Variants in PRKN observed in about 807,000 individuals in gnomAD.
PRKN encodes parkin RBR E3 ubiquitin protein ligase, also known as E3 ubiquitin-protein ligase parkin.
In PRKN, 56 loss-of-function variants were observed where a neutral mutation model predicts 59.5. That is an observed-to-expected ratio of 0.94 (90% CI 0.76 to 1.18). PRKN has a LOEUF of 1.18. Ranked by LOEUF, PRKN falls within the 50% of genes most tolerant of loss-of-function variation. The pLI, the probability that PRKN is intolerant of heterozygous loss-of-function variation, is 0.00. For missense variants in PRKN, 657 were observed against 596.4 expected (o/e 1.10, Z -1.06); for synonymous variants, 250 against 222.1 (o/e 1.13, Z -1.12).
At chr6:161,974,163 AGGCTGAGGCAGGAAATCGCTTGAGCCC>A (rs575357696) in intron 5 of PRKN, among the ~76,000 whole-genome samples, 162 of 152,286 alleles carry the variant, frequency 1.1e-3, no homozygotes, top group African/African-American at 3.7e-3. Flanking sequence ...GCTACTCGAG[AGGCTGAGGCAGGAAATCGCTTGAGCCC>A]GGCTGAGGCA....
At chr6:161,666,866 A>T (rs1206107637) in intron 7 of PRKN, among the ~76,000 whole-genome samples, 1 of 152,184 alleles carries the variant, frequency 6.6e-6, no homozygotes, top group Non-Finnish European at 1.5e-5. Context: ...GACACTCAGC[A>T]GAAGATGCCT....
chr6:161,436,449 C>G (rs142551497), intron 9 of PRKN, among the ~76,000 whole-genome samples: 1,945 of 98,212 alleles, frequency 0.02, 25 homozygotes, highest in Non-Finnish European at 0.029. Context: ...TCTGCAAACT[C>G]AAGACTTTTT....
At chr6:162,669,427 A>C (rs1779235762) in intron 1 of PRKN, among the ~76,000 whole-genome samples, 1 of 152,190 alleles carries the variant, frequency 6.6e-6, no homozygotes, top group Non-Finnish European at 1.5e-5. Context: ...ATGGTAAGCT[A>C]AACTTTAGAA....
At chr6:162,634,823 C>A (rs1173795229) in intron 1 of PRKN, among the ~76,000 whole-genome samples, 1 of 152,142 alleles carries the variant, frequency 6.6e-6, no homozygotes, top group Non-Finnish European at 1.5e-5. Context: ...GGGGTTTCAC[C>A]ATGTTGGCCA....
rs1391642169 is a variant in PRKN, at chr6:161,388,365, A to G, written c.1084-1488T>C. 6.6e-6 allele frequency among the ~76,000 whole-genome samples: 1 copy of G among 152,186 alleles called. No individual in the cohort carries two copies. Among genetic ancestry groups the G allele is most frequent in the African/African-American group, 2.4e-5 (1 of 41,448 alleles). Reference sequence around the variant, plus strand: ...GAACAACAGGGACTATTTTGCCCCTACTCCATTTCATAGGAAGGAGTTTCC... The same window carrying G: ...GAACAACAGGGACTATTTTGCCCCTGCTCCATTTCATAGGAAGGAGTTTCC... On this transcript the variant is annotated intron_variant, in intron 9 of 11. Coordinates refer to ENST00000366898, the MANE Select transcript of PRKN (RefSeq NM_004562.3). The surrounding 1 kb of genome is among the most constrained non-coding windows in gnomAD (Gnocchi z 4.3).
intron 2 of PRKN, among the ~76,000 whole-genome samples, chr6:162,427,369 T>C (rs1023431096): frequency 6.6e-6 from 1 of 152,176 alleles, no homozygotes; most frequent in Non-Finnish European, 1.5e-5. Flanking sequence ...TATAAGAATG[T>C]TCAGTGCAGC....
intron 7 of PRKN, among the ~76,000 whole-genome samples, chr6:161,646,595 CGGA>C (rs1378226120): frequency 6.8e-6 from 1 of 147,390 alleles, no homozygotes; most frequent in Non-Finnish European, 1.5e-5. Flanking sequence ...GCGTGCGTGG[CGGA>C]GGAGGTGGTG....
chr6:162,641,402 TG>T (rs1777953226), intron 1 of PRKN, among the ~76,000 whole-genome samples: 1 of 151,886 alleles, frequency 6.6e-6, no homozygotes, highest in South Asian at 2.1e-4. Context: ...AAAATCAAAG[TG>T]TTGTCAGAGG....
intron 3 of PRKN, among the ~76,000 whole-genome samples, chr6:162,235,958 G>GAAGAAAAAGA (rs1778658499): frequency 2.2e-5 from 2 of 92,600 alleles, no homozygotes; most frequent in African/African-American, 8.0e-5. Context: ...AGGAAGAAAG[G>GAAGAAAAAGA]AAGAAAGAAA....
intron 4 of PRKN, among the ~76,000 whole-genome samples, chr6:162,136,687 A>G (rs12193568): frequency 0.17 from 26,207 of 152,172 alleles, 2,844 homozygotes; most frequent in Non-Finnish European, 0.24. Context: ...TTTCAGCATC[A>G]TCACTGTGAT....
chr6:162,167,510 G>A (rs1783040869), intron 4 of PRKN, among the ~76,000 whole-genome samples: 1 of 152,024 alleles, frequency 6.6e-6, no homozygotes, highest in Non-Finnish European at 1.5e-5. Flanking sequence ...GGAAAATGAG[G>A]GATCTGACTA....
At chr6:162,153,397 C>T (rs993876858) in intron 4 of PRKN, among the ~76,000 whole-genome samples, 3 of 152,204 alleles carry the variant, frequency 2.0e-5, no homozygotes. Context: ...GTGGGGCTGA[C>T]TGTGACCCAA....
At chr6:162,691,236 A>C (rs1271593676) in intron 1 of PRKN, among the ~76,000 whole-genome samples, 1 of 152,180 alleles carries the variant, frequency 6.6e-6, no homozygotes, top group Non-Finnish European at 1.5e-5. Context: ...CATTTCAATT[A>C]GATAATTATA....
intron 7 of PRKN, among the ~76,000 whole-genome samples, chr6:161,718,017 C>T (rs559022494): frequency 6.6e-6 from 1 of 152,128 alleles, no homozygotes; most frequent in Non-Finnish European, 1.5e-5. Flanking sequence ...AGAAACACAT[C>T]GACCAGAGCT....
chr6:162,604,109 A>T (rs2128217510), intron 1 of PRKN, among the ~76,000 whole-genome samples: 1 of 152,250 alleles, frequency 6.6e-6, no homozygotes, highest in South Asian at 2.1e-4. Context: ...CACCGCAGCA[A>T]TTGCACCTGT....
At chr6:162,209,671 A>T (rs116571396) in intron 3 of PRKN, among the ~76,000 whole-genome samples, 390 of 152,308 alleles carry the variant, frequency 2.6e-3, no homozygotes, top group African/African-American at 8.7e-3. Context: ...TGCTTATTGC[A>T]GTACTATTCA....
At chr6:162,097,794 A>T (rs1038285715) in intron 4 of PRKN, among the ~76,000 whole-genome samples, 1 of 152,242 alleles carries the variant, frequency 6.6e-6, no homozygotes, top group Non-Finnish European at 1.5e-5. Context: ...GAACAGATCC[A>T]AATGAGAGAA....
At chr6:162,313,696 A>G (rs930423344) in intron 2 of PRKN, among the ~76,000 whole-genome samples, 1 of 151,982 alleles carries the variant, frequency 6.6e-6, no homozygotes, top group African/African-American at 2.4e-5. Context: ...CATGTTGGCT[A>G]GACTGGTCTC....
intron 3 of PRKN, among the ~76,000 whole-genome samples, chr6:162,218,163 C>T (rs542778179): frequency 6.6e-6 from 1 of 152,314 alleles, no homozygotes; most frequent in South Asian, 2.1e-4. Context: ...TGCTGGGGAG[C>T]AGCGTGATGG....
Sources: gnomAD v4.1 joint callset for allele counts (sites outside exome capture counted in the v4.1 genomes callset) on GRCh38, gnomAD v4.1.1 for gene constraint, Gnocchi (gnomAD v3.1) non-coding constraint, MANE v1.5 for transcripts, NCBI Gene and HGNC (gene_info 2026-07-23, HGNC 2026-07-21) for gene names.